Variants in ARMC2 observed in about 807,000 individuals in gnomAD.
The protein encoded by ARMC2 is armadillo repeat containing 2.
A neutral mutation model predicts 90.3 loss-of-function variants in ARMC2; 67 were observed. The observed-to-expected ratio is 0.74, with a 90% CI of 0.61 to 0.91. The LOEUF (loss-of-function observed/expected upper bound fraction) is 0.91. ARMC2 is among the 40% of genes least tolerant of loss of function. ARMC2 has a pLI of 0.00. For missense variants in ARMC2, 920 were observed against 1,030.9 expected (o/e 0.89, Z 1.47); for synonymous variants, 393 against 393.0 (o/e 1.00, Z 0.00).
At chr6:108,867,405 TCGACACTTAAGAAAAGA>T (rs1472611012) in intron 3 of ARMC2, among the ~76,000 whole-genome samples, 1 of 152,058 alleles carries the variant, frequency 6.6e-6, no homozygotes, top group African/African-American at 2.4e-5. Context: ...AGTATCAGCA[TCGACACTTAAGAAAAGA>T]TGGGGGAAAA....
At chr6:108,994,649 T>G in the ARMC2 span, 2 of 1,468,364 alleles carry the variant, frequency 1.4e-6, no homozygotes, top group African/African-American at 1.4e-5. Flanking sequence ...GTGGCAGACA[T>G]AGAATATATA....
chr6:108,968,522 G>A (rs907926195), intron 17 of ARMC2, among the ~76,000 whole-genome samples: 20 of 152,208 alleles, frequency 1.3e-4, no homozygotes, highest in African/African-American at 4.8e-4. Context: ...CTTGTGGGCT[G>A]GGTGGTGGGC....
At chr6:109,014,464 A>G in the ARMC2 span, among the ~76,000 whole-genome samples, 2 of 152,240 alleles carry the variant, frequency 1.3e-5, no homozygotes, top group Non-Finnish European at 2.9e-5. Flanking sequence ...GTCAGAATCC[A>G]AAGCAGCAGT....
At chr6:108,872,403 C>T (rs1039254043) in intron 4 of ARMC2, among the ~76,000 whole-genome samples, 2 of 152,190 alleles carry the variant, frequency 1.3e-5, no homozygotes, top group Admixed American at 1.3e-4. Context: ...CTCTCCGTCA[C>T]CAAGCCCTAC....
chr6:108,896,462 A>G (rs907691776), intron 6 of ARMC2, among the ~76,000 whole-genome samples: 4 of 152,190 alleles, frequency 2.6e-5, no homozygotes, highest in Admixed American at 2.0e-4. Flanking sequence ...TTCATTTTCT[A>G]GAGTAACTCA....
chr6:108,888,596 A>G (rs1770620527), intron 5 of ARMC2, among the ~76,000 whole-genome samples: 1 of 152,210 alleles, frequency 6.6e-6, no homozygotes, highest in Non-Finnish European at 1.5e-5. Context: ...TGAGTACATA[A>G]GTCCATCTAT....
chr6:108,944,183 A>G (rs191911170), intron 12 of ARMC2, among the ~76,000 whole-genome samples: 1 of 152,334 alleles, frequency 6.6e-6, no homozygotes, highest in East Asian at 1.9e-4. Context: ...TCTCTACAGG[A>G]GCAGAGCTGA....
At chr6:108,864,807 C>T (rs1381699581) in intron 3 of ARMC2, among the ~76,000 whole-genome samples, 2 of 151,992 alleles carry the variant, frequency 1.3e-5, no homozygotes, top group Non-Finnish European at 1.5e-5. Flanking sequence ...ATACCTTAAA[C>T]GTTCTATGTA....
chr6:108,949,927 C>G (rs939124664), intron 12 of ARMC2, among the ~76,000 whole-genome samples: 1 of 152,254 alleles, frequency 6.6e-6, no homozygotes, highest in East Asian at 1.9e-4. Context: ...AAAAACAGGC[C>G]GGGCACAGTG....
At chr6:109,038,990 G>A in the ARMC2 span, among the ~76,000 whole-genome samples, 1 of 149,884 alleles carries the variant, frequency 6.7e-6, no homozygotes, top group Non-Finnish European at 1.5e-5. Flanking sequence ...AGAAGAAGGA[G>A]GAGGAGGAGA....
chr6:108,914,065 A>G (rs1469356355), intron 10 of ARMC2, among the ~76,000 whole-genome samples: 1 of 152,096 alleles, frequency 6.6e-6, no homozygotes, highest in Non-Finnish European at 1.5e-5. Context: ...AGCTTATGGG[A>G]TTCTTGTCTA....
intron 3 of ARMC2, among the ~76,000 whole-genome samples, chr6:108,864,692 G>T (rs1186035136): frequency 1.3e-5 from 2 of 152,200 alleles, no homozygotes; most frequent in Non-Finnish European, 2.9e-5. Context: ...CCCTTTTCCA[G>T]TTGTCACATA....
chr6:109,034,032 TAGAG>T, the ARMC2 span, among the ~76,000 whole-genome samples: 9 of 152,152 alleles, frequency 5.9e-5, no homozygotes, highest in African/African-American at 2.2e-4. Flanking sequence ...ATAGCAGTCT[TAGAG>T]AGCCACAGGA....
At chr6:108,958,602 T>C (rs1777764920) in intron 13 of ARMC2, among the ~76,000 whole-genome samples, 1 of 152,028 alleles carries the variant, frequency 6.6e-6, no homozygotes, top group Non-Finnish European at 1.5e-5. Flanking sequence ...ATAAAACAGA[T>C]CCCCAAACAC....
chr6:108,868,227 G>A (rs552385293), intron 3 of ARMC2, among the ~76,000 whole-genome samples: 3 of 140,274 alleles, frequency 2.1e-5, no homozygotes, highest in African/African-American at 7.7e-5. Context: ...ATTTGGGGGT[G>A]GGGGGGCGGG....
chr6:109,030,124 G>C, the ARMC2 span, among the ~76,000 whole-genome samples: 2 of 152,122 alleles, frequency 1.3e-5, no homozygotes, highest in Admixed American at 1.3e-4. Flanking sequence ...TGCTTCCTCT[G>C]ATTCTCCACT....
intron 12 of ARMC2, among the ~76,000 whole-genome samples, chr6:108,950,324 A>G (rs767611925): frequency 6.6e-6 from 1 of 152,224 alleles, no homozygotes; most frequent in Non-Finnish European, 1.5e-5. Context: ...ACATGCATAC[A>G]TTTGTTGATT....
intron 5 of ARMC2, among the ~76,000 whole-genome samples, chr6:108,885,673 C>CA (rs772185235): frequency 0.019 from 2,271 of 117,328 alleles, 43 homozygotes; most frequent in East Asian, 0.097. Flanking sequence ...GACTCTGTCG[C>CA]AAAAAAAAAA....
Position 108,973,528 on chromosome 6 carries a change from A to G in ARMC2, c.*14A>G. 6.3e-7 allele frequency: 1 copy of G among 1,595,540 alleles called. No homozygotes were observed. The highest frequency in any genetic ancestry group is 8.6e-7 in the Non-Finnish European group (1 of 1,169,196). ...CCCTCTTTCTAACATGATGCAGATTAACAGTAGAAACGAGAACTCACGTCT... is the reference window on the plus strand; with the variant it reads ...CCCTCTTTCTAACATGATGCAGATTGACAGTAGAAACGAGAACTCACGTCT... On this transcript the variant is annotated 3_prime_UTR_variant, in exon 18 of 18. Coordinates refer to ENST00000392644, the MANE Select transcript of ARMC2 (RefSeq NM_032131.6).
Sources: allele counts gnomAD v4.1 joint callset (sites outside exome capture counted in the v4.1 genomes callset), GRCh38; gene constraint gnomAD v4.1.1; transcripts MANE v1.5; gene names NCBI Gene and HGNC (gene_info 2026-07-23, HGNC 2026-07-21).